VPS13A: variants seen among roughly 807,000 people sequenced by gnomAD.
VPS13A encodes vacuolar protein sorting 13 homolog A, also known as intermembrane lipid transfer protein VPS13A.
In VPS13A, 264 loss-of-function variants were observed where a neutral mutation model predicts 390.9. That is an observed-to-expected ratio of 0.68 (90% CI 0.61 to 0.75). The LOEUF (loss-of-function observed/expected upper bound fraction) is 0.75, where lower values mean the gene tolerates loss of function less well. Ranked by LOEUF, VPS13A falls within the 30% of genes least tolerant of loss-of-function variation. The probability of loss-of-function intolerance (pLI) is 0.00; values close to 1 mark genes in which losing one functional copy is unlikely to be tolerated. For synonymous variants in VPS13A, 1,231 were observed against 1,227.1 expected (o/e 1.00, Z -0.07); for missense variants, 3,409 against 3,733.9 (o/e 0.91, Z 2.27).
chr9:77,188,724 C>G (rs1324507147), intron 1 of VPS13A, among the ~76,000 whole-genome samples: 1 of 152,206 alleles, frequency 6.6e-6, no homozygotes, highest in Non-Finnish European at 1.5e-5. Flanking sequence ...AGTGGCTGAA[C>G]TAATTTACAT....
At chr9:77,204,325 T>TATC (rs1564627849) in intron 3 of VPS13A, among the ~76,000 whole-genome samples, 1 of 152,092 alleles carries the variant, frequency 6.6e-6, no homozygotes. Flanking sequence ...GATACAAAAC[T>TATC]AGAGTGAGTA....
chr9:77,361,796 T>C (rs1011954140), intron 59 of VPS13A, among the ~76,000 whole-genome samples: 1 of 152,038 alleles, frequency 6.6e-6, no homozygotes, highest in Non-Finnish European at 1.5e-5. Context: ...TTTTCCATAT[T>C]ATCCCCAACA....
intron 17 of VPS13A, among the ~76,000 whole-genome samples, chr9:77,234,164 A>G (rs1823997683): frequency 6.6e-6 from 1 of 152,150 alleles, no homozygotes; most frequent in South Asian, 2.1e-4. Flanking sequence ...ATTGAAAGAT[A>G]TTTAAGTTAA....
chr9:77,391,475 TTGG>T (rs569043507), intron 68 of VPS13A, among the ~76,000 whole-genome samples: 234 of 152,278 alleles, frequency 1.5e-3, no homozygotes, highest in Non-Finnish European at 2.8e-3. Context: ...ACCATGTTTT[TTGG>T]TGTTTTGTTT....
At chr9:77,250,045 C>G (rs1437797875) in intron 20 of VPS13A, 52 bp from the exon 21 acceptor site, 1 of 1,594,168 alleles carries the variant, frequency 6.3e-7, no homozygotes, top group African/African-American at 1.3e-5. Flanking sequence ...ACACTTTATA[C>G]TTACATTTTG....
intron 47 of VPS13A, chr9:77,339,300 C>T (rs545636221): frequency 5.5e-6 from 3 of 545,394 alleles, no homozygotes; most frequent in Non-Finnish European, 9.6e-6. Flanking sequence ...TCATTTAGAC[C>T]ATTTTACAAA....
chr9:77,319,071 T>C (rs1200487862), intron 41 of VPS13A, among the ~76,000 whole-genome samples: 3 of 151,772 alleles, frequency 2.0e-5, no homozygotes, highest in African/African-American at 7.3e-5. Context: ...CTCACACCTG[T>C]AGTCTTAGTT....
In VPS13A at chr9:77,282,292, T is replaced by C; in HGVS notation, c.3118+18T>C. Reference sequence around the variant, plus strand: ...AAAATTAGGTATGTTTTTTAAAAATTTAGCATCAACTTTTTTTTTTTTTAA... The same window carrying C: ...AAAATTAGGTATGTTTTTTAAAAATCTAGCATCAACTTTTTTTTTTTTTAA... On this transcript the variant is annotated intron_variant, in intron 29 of 71. Coordinates refer to ENST00000360280, the MANE Select transcript of VPS13A (RefSeq NM_033305.3). 2 of 1,606,462 alleles carry C rather than the reference T, an allele frequency of 1.2e-6. No homozygotes were observed. The highest frequency in any genetic ancestry group is 1.7e-6 in the Non-Finnish European group (2 of 1,177,282).
intron 1 of VPS13A, among the ~76,000 whole-genome samples, chr9:77,181,907 A>G (rs1215339725): frequency 6.6e-6 from 1 of 152,216 alleles, no homozygotes; most frequent in African/African-American, 2.4e-5. Flanking sequence ...CTTACAGGGG[A>G]TGAAAAAGGA....
chr9:77,306,910 ATT>A (rs199833366), intron 34 of VPS13A, among the ~76,000 whole-genome samples: 21 of 129,808 alleles, frequency 1.6e-4, no homozygotes, highest in Admixed American at 2.3e-4. Context: ...TTGGCTCTTT[ATT>A]TTTTTTTTTT....
At chr9:77,315,111 T>C (rs1829311241) in intron 37 of VPS13A, 142 bp from the exon 38 acceptor site, 1 of 725,640 alleles carries the variant, frequency 1.4e-6, no homozygotes, top group Non-Finnish European at 2.3e-6. Context: ...TTTGGAACAC[T>C]TTATGGATCT....
At chr9:77,331,646 C>A (rs1028745528) in intron 45 of VPS13A, among the ~76,000 whole-genome samples, 13 of 151,854 alleles carry the variant, frequency 8.6e-5, no homozygotes, top group African/African-American at 2.7e-4. Flanking sequence ...TAGATTGTCA[C>A]TTTTATCATA....
chr9:77,285,830 T>C (rs74513092), intron 31 of VPS13A, among the ~76,000 whole-genome samples: 8,320 of 152,330 alleles, frequency 0.055, 337 homozygotes, highest in South Asian at 0.12. Flanking sequence ...TTGATTGATA[T>C]ACCACTTAAG....
intron 68 of VPS13A, chr9:77,385,060 G>A: frequency 2.0e-6 from 2 of 1,006,830 alleles, no homozygotes; most frequent in Non-Finnish European, 2.4e-6. Flanking sequence ...AAATTTTCTG[G>A]GCTTTAATGT....
intron 67 of VPS13A, among the ~76,000 whole-genome samples, chr9:77,376,501 T>G (rs1298946968): frequency 1.3e-5 from 2 of 152,190 alleles, no homozygotes; most frequent in Non-Finnish European, 2.9e-5. Context: ...GCATGTATTT[T>G]AAAGATAGTG....
intron 33 of VPS13A, among the ~76,000 whole-genome samples, 183 bp downstream of exon 33, chr9:77,296,029 A>C (rs1827977816): frequency 6.6e-6 from 1 of 152,214 alleles, no homozygotes; most frequent in Non-Finnish European, 1.5e-5. Context: ...ATTTTAAAAA[A>C]CCTAGAAAGT....
chr9:77,277,179 A>G (rs1370925383), intron 26 of VPS13A, among the ~76,000 whole-genome samples: 1 of 152,298 alleles, frequency 6.6e-6, no homozygotes, highest in African/African-American at 2.4e-5. Context: ...AGTAGAGGCA[A>G]TTATTAGGAC....
At chr9:77,236,564 A>G (rs899977404) in intron 17 of VPS13A, among the ~76,000 whole-genome samples, 1 of 152,200 alleles carries the variant, frequency 6.6e-6, no homozygotes, top group Non-Finnish European at 1.5e-5. Flanking sequence ...GTCAATTTCT[A>G]ATTCCCAGTA....
At chr9:77,297,265 A>G (rs1049870033) in intron 33 of VPS13A, among the ~76,000 whole-genome samples, 3 of 151,930 alleles carry the variant, frequency 2.0e-5, no homozygotes, top group African/African-American at 7.3e-5. Context: ...ACTTTATAAT[A>G]TTGTGCTATG....
Sources: allele counts gnomAD v4.1 joint callset (sites outside exome capture counted in the v4.1 genomes callset), GRCh38; gene constraint gnomAD v4.1.1; transcripts MANE v1.5; gene names NCBI Gene and HGNC (gene_info 2026-07-23, HGNC 2026-07-21).